Variants in USP34 observed in about 807,000 individuals in gnomAD.
USP34 encodes the protein ubiquitin specific peptidase 34.
USP34 carries 70 observed loss-of-function variants against 460.3 expected under a neutral mutation model. That is an observed-to-expected ratio of 0.15 (90% CI 0.13 to 0.19). The LOEUF is 0.19. Ranked by LOEUF, USP34 falls within the 10% of genes least tolerant of loss-of-function variation. The pLI, the probability that USP34 is intolerant of heterozygous loss-of-function variation, is 1.00. For missense variants in USP34, 3,985 were observed against 4,236.2 expected (o/e 0.94, Z 1.65); for synonymous variants, 1,647 against 1,405.3 (o/e 1.17, Z -3.85).
chr2:61,294,132 T>A (rs1487017620), intron 32 of USP34, among the ~76,000 whole-genome samples: 1 of 151,674 alleles, frequency 6.6e-6, no homozygotes, highest in African/African-American at 2.4e-5. Flanking sequence ...GATCACGAGG[T>A]CAGCAGATCA....
Position 61,317,706 on chromosome 2 carries a change from C to G in USP34, c.3230G>C (p.Cys1077Ser), listed in dbSNP as rs761026186. The G allele has an allele frequency of 3.1e-6, 5 of 1,614,064 alleles. No homozygotes were observed. Among genetic ancestry groups the G allele is most frequent in the Admixed American group, 3.3e-5 (2 of 60,020 alleles). Reference protein sequence around the residue: ...MTGLNLFQHLCNLARLATSAY... With the variant: ...MTGLNLFQHLSNLARLATSAY... ...ACTGGTAGCCAATCGAGCCAAGTTA[C>G]AGAGATGCTGAAACAGGTTTAAGCC... Residue 1077 changes from cysteine (C) to serine (S), a missense_variant, in exon 23 of 80, where the codon TGT becomes TCT. This residue lies in a region of USP34 where 1,114 missense variants were observed against 1,122.5 expected (regional missense o/e 0.99). Coordinates refer to ENST00000398571, the MANE Select transcript of USP34 (RefSeq NM_014709.4).
intron 5 of USP34, among the ~76,000 whole-genome samples, chr2:61,386,189 T>A (rs1161629305): frequency 6.6e-6 from 1 of 152,030 alleles, no homozygotes; most frequent in Non-Finnish European, 1.5e-5. Context: ...ATTGTAGTGA[T>A]GAGGCATGAG....
At chr2:61,338,060 G>A (rs1691480269) in intron 18 of USP34, among the ~76,000 whole-genome samples, 1 of 152,126 alleles carries the variant, frequency 6.6e-6, no homozygotes, top group Non-Finnish European at 1.5e-5. Context: ...AGTGACTCAC[G>A]CCTGTAATCC....
In USP34 at chr2:61,188,956, C is replaced by T. The variant is rs771351711; in HGVS notation, c.9987G>A (p.Gln3329=). The change falls in exon 79 of 80, where the codon CAG becomes CAA. Residue 3329 remains glutamine (Q), a synonymous_variant. Coordinates refer to ENST00000398571, the MANE Select transcript of USP34 (RefSeq NM_014709.4). ...CTTCTTGCTCTTGGAGTGAGTTTCT[C>T]TGTTGCAGACAAGTCCTGCATTTGC... ...LLSKCRTCLQ[Q]RNSLQEQEAK... 3.1e-6 allele frequency: 5 copies of T among 1,614,040 alleles called. No individual in the cohort carries two copies. Among genetic ancestry groups the T allele is most frequent in the African/African-American group, 2.7e-5 (2 of 74,918 alleles).
At chr2:61,200,428 G>A (rs141627035) in intron 75 of USP34, 2,282 of 151,984 alleles carry the variant, frequency 0.015, 31 homozygotes, top group Non-Finnish European at 0.024. Context: ...CAACCCTCTC[G>A]CTTATTATTT....
At chr2:61,387,730 CAT>C (rs933930462) in intron 5 of USP34, among the ~76,000 whole-genome samples, 2 of 146,208 alleles carry the variant, frequency 1.4e-5, no homozygotes, top group Non-Finnish European at 3.0e-5. Context: ...CGTATACACA[CAT>C]GTAAAAATAT....
intron 2 of USP34, among the ~76,000 whole-genome samples, chr2:61,408,587 A>G (rs948889968): frequency 6.6e-6 from 1 of 152,088 alleles, no homozygotes; most frequent in Non-Finnish European, 1.5e-5. Flanking sequence ...GATGTTTAGG[A>G]AAAATCAGGT....
rs766822431 is a variant in USP34, at chr2:61,343,801, C to T, written c.2500+14G>A. The T allele has an allele frequency of 1.2e-6, 2 of 1,609,216 alleles. No individual in the cohort carries two copies. The highest frequency in any genetic ancestry group is 1.7e-6 in the Non-Finnish European group (2 of 1,175,734). On this transcript the variant is annotated intron_variant, in intron 16 of 79. Coordinates refer to ENST00000398571, the MANE Select transcript of USP34 (RefSeq NM_014709.4). ...TGAAGAAGGTAATATATTTTACTTA[C>T]TGTAGAGTCTTACCTTGACTAAGAT...
At chr2:61,380,037 A>C in intron 7 of USP34, 132 bp downstream of exon 7, 1 of 640,988 alleles carries the variant, frequency 1.6e-6, no homozygotes, top group Non-Finnish European at 2.5e-6. Context: ...ATTTGTGAAG[A>C]CCATATAAAG....
chr2:61,281,156 A>G lies in USP34; in HGVS notation c.5085T>C (p.Phe1695=). 6.2e-7 allele frequency: 1 copy of G among 1,614,012 alleles called. No homozygotes were observed. Among genetic ancestry groups the G allele is most frequent in the Non-Finnish European group, 8.5e-7 (1 of 1,179,942 alleles). The change falls in exon 38 of 80, where the codon TTT becomes TTC. Residue 1695 remains phenylalanine, a synonymous_variant. Transcript: ENST00000398571. ...LDGGDSINRS[F]LLLAASTLLK... ...ATAATGTTGAGGCAGCCAATAGCAG[A>G]AAAGAACGATTGATTGAGTCTCCTC... is the stretch of plus-strand genomic sequence containing the variant.
intron 41 of USP34, among the ~76,000 whole-genome samples, chr2:61,267,311 A>G (rs1007613686): frequency 3.3e-5 from 5 of 152,210 alleles, no homozygotes; most frequent in Non-Finnish European, 5.9e-5. Context: ...AGACGTACCA[A>G]AAACAGAAAT....
chr2:61,242,601 T>G (rs142694014), intron 51 of USP34, among the ~76,000 whole-genome samples: 1,923 of 151,830 alleles, frequency 0.013, 16 homozygotes, highest in Non-Finnish European at 0.019. Flanking sequence ...AAAAGGAGGC[T>G]GAACAAAGGA....
chr2:61,392,068 A>G (rs1693364691), intron 5 of USP34, among the ~76,000 whole-genome samples: 1 of 152,258 alleles, frequency 6.6e-6, no homozygotes, highest in Admixed American at 6.5e-5. Context: ...CAGTCATAAA[A>G]GGGCTGAAGA....
intron 8 of USP34, among the ~76,000 whole-genome samples, chr2:61,371,016 TG>T: frequency 6.6e-6 from 1 of 152,156 alleles, no homozygotes; most frequent in East Asian, 1.9e-4. Flanking sequence ...CAAGCCAAAC[TG>T]TAAGTCTCCT....
chr2:61,218,629 C>A (rs975636322), intron 67 of USP34, among the ~76,000 whole-genome samples: 3 of 151,694 alleles, frequency 2.0e-5, no homozygotes, highest in East Asian at 1.9e-4. Flanking sequence ...GTCATTATGT[C>A]TTCTTAACTT....
At chr2:61,426,685 T>C (rs1026059296) in intron 1 of USP34, among the ~76,000 whole-genome samples, 14 of 152,196 alleles carry the variant, frequency 9.2e-5, no homozygotes, top group African/African-American at 3.4e-4. Context: ...CAACTGCTGA[T>C]TGCACAGCAC....
chr2:61,313,026 T>G (rs2103676787), intron 25 of USP34, among the ~76,000 whole-genome samples: 1 of 152,294 alleles, frequency 6.6e-6, no homozygotes, highest in South Asian at 2.1e-4. Context: ...CAATTAATAA[T>G]AGCACTAAGC....
intron 30 of USP34, among the ~76,000 whole-genome samples, chr2:61,296,193 GTGGTTGCAGTGA>G (rs1020194906): frequency 1.1e-4 from 16 of 152,156 alleles, no homozygotes; most frequent in African/African-American, 3.6e-4. Flanking sequence ...CCTCGTGGTT[GTGGTTGCAGTGA>G]GCTGAGACCA....
chr2:61,206,078 G>A lies in USP34; in HGVS notation c.9093C>T (p.Ala3031=). Residue 3031 remains alanine (A), a synonymous_variant, in exon 72 of 80, where the codon GCC becomes GCT. Transcript: ENST00000398571. ...AATTAAGAAGAGTTAACAGTTTATG[G>A]GCAAATTCAATTCGCTCCTGCCACT... ...LIQWQERIEF[A]HKLLTLLNSY... The A allele has an allele frequency of 6.2e-7, 1 of 1,613,720 alleles. No individual in the cohort carries two copies. Among genetic ancestry groups the A allele is most frequent in the South Asian group, 1.1e-5 (1 of 91,066 alleles).
Sources: gnomAD v4.1 joint callset for allele counts (sites outside exome capture counted in the v4.1 genomes callset) on GRCh38, gnomAD v4.1.1 for gene constraint, gnomAD v4.1.1 regional missense constraint, MANE v1.5 for transcripts, NCBI Gene and HGNC (gene_info 2026-07-23, HGNC 2026-07-21) for gene names.